Variants in TTC17 observed in about 807,000 individuals in gnomAD.
TTC17 encodes tetratricopeptide repeat protein 17.
A neutral mutation model predicts 143.8 loss-of-function variants in TTC17; 58 were observed. The observed-to-expected ratio is 0.40, with a 90% CI of 0.33 to 0.50. The LOEUF (loss-of-function observed/expected upper bound fraction) is 0.50. TTC17 is among the 20% of genes least tolerant of loss of function. TTC17 has a pLI of 0.49. For missense variants in TTC17, 1,273 were observed against 1,392.5 expected (o/e 0.91, Z 1.37); for synonymous variants, 501 against 497.8 (o/e 1.01, Z -0.09).
intron 16 of TTC17, among the ~76,000 whole-genome samples, chr11:43,428,238 A>T (rs995589532): frequency 1.3e-5 from 2 of 152,132 alleles, no homozygotes; most frequent in Non-Finnish European, 2.9e-5. Flanking sequence ...AGTCTGTTGA[A>T]TTTGTTTCCC....
chr11:43,461,968 A>AG (rs1312173438), intron 21 of TTC17, among the ~76,000 whole-genome samples: 1 of 152,150 alleles, frequency 6.6e-6, no homozygotes, highest in Non-Finnish European at 1.5e-5. Flanking sequence ...AAGGAAGTCA[A>AG]GGGAAGATAA....
chr11:43,452,600 G>T (rs1211550755), intron 21 of TTC17, among the ~76,000 whole-genome samples: 3 of 151,994 alleles, frequency 2.0e-5, no homozygotes, highest in Admixed American at 6.6e-5. Context: ...GGAAAATATT[G>T]TAATGGAACA....
chr11:43,444,825 G>T (rs1444515765), intron 18 of TTC17, among the ~76,000 whole-genome samples: 6 of 151,588 alleles, frequency 4.0e-5, no homozygotes, highest in Non-Finnish European at 8.8e-5. Flanking sequence ...GACATAAACA[G>T]TAAGATACCA....
intron 1 of TTC17, among the ~76,000 whole-genome samples, chr11:43,362,898 A>G (rs11605997): frequency 0.56 from 85,612 of 152,060 alleles, 24,927 homozygotes; most frequent in African/African-American, 0.68. Context: ...GAACATTCCA[A>G]TCACTAAGTT....
In TTC17 at chr11:43,493,955, A is replaced by G. The variant is rs758818578; in HGVS notation, c.*51A>G. On this transcript the variant is annotated 3_prime_UTR_variant, in exon 24 of 24. Transcript: ENST00000039989. ...TTTACTCATGCTCTAAAAAAAAAGAATAAGAAAAGAAACCAATCATTGTCA... is the reference window on the plus strand; with the variant it reads ...TTTACTCATGCTCTAAAAAAAAAGAGTAAGAAAAGAAACCAATCATTGTCA... 2.0e-6 allele frequency: 3 copies of G among 1,515,406 alleles called. No homozygotes were observed. Among genetic ancestry groups the G allele is most frequent in the Non-Finnish European group, 2.6e-6 (3 of 1,132,176 alleles). The allele number at this position is 1,515,406 out of a possible 1,614,324, so 93.9% of individuals were successfully genotyped here.
Position 43,450,052 on chromosome 11 carries a change from A to G in TTC17, c.2787-30A>G, listed in dbSNP as rs759318819. 5.0e-6 allele frequency: 8 copies of G among 1,599,146 alleles called. No homozygotes were observed. In the Middle Eastern group the frequency reaches 5.0e-4, roughly 100 times the overall value. ...CTTCCCACCCACTCAAAAATTTCCC[A>G]TAGCTAATGTGGTAATCTCCATTTT... On this transcript the variant is annotated intron_variant, in intron 19 of 23. Coordinates refer to ENST00000039989, the MANE Select transcript of TTC17 (RefSeq NM_018259.6).
At chr11:43,483,877 C>T (rs1291844998) in intron 21 of TTC17, among the ~76,000 whole-genome samples, 1 of 152,152 alleles carries the variant, frequency 6.6e-6, no homozygotes, top group Non-Finnish European at 1.5e-5. Flanking sequence ...CGCAGTGGCT[C>T]ACGCCTGTAA....
chr11:43,404,242 TGTTCAGATTA>T, intron 11 of TTC17, 98 bp downstream of exon 11: 1 of 1,190,434 alleles, frequency 8.4e-7, no homozygotes, highest in Non-Finnish European at 1.1e-6. Context: ...CCTCTATGAC[TGTTCAGATTA>T]GTTCAGCAAA....
intron 20 of TTC17, among the ~76,000 whole-genome samples, chr11:43,450,597 G>T (rs1006381725): frequency 6.6e-6 from 1 of 152,128 alleles, no homozygotes; most frequent in Non-Finnish European, 1.5e-5. Context: ...TATATACCTA[G>T]CAAAGCATAT....
intron 1 of TTC17, among the ~76,000 whole-genome samples, chr11:43,374,054 G>C (rs1468463212): frequency 1.3e-5 from 2 of 152,144 alleles, no homozygotes; most frequent in African/African-American, 4.8e-5. Context: ...AAATGTGGCA[G>C]AGTATCTAAC....
intron 21 of TTC17, among the ~76,000 whole-genome samples, chr11:43,462,504 G>T (rs926280393): frequency 7.9e-5 from 12 of 152,184 alleles, no homozygotes; most frequent in Non-Finnish European, 1.8e-4. Context: ...GAAGAGGGAA[G>T]TAACAGATTC....
intron 21 of TTC17, among the ~76,000 whole-genome samples, chr11:43,458,642 C>T (rs1415166345): frequency 1.3e-5 from 2 of 152,140 alleles, no homozygotes; most frequent in African/African-American, 4.8e-5. Flanking sequence ...AAATGACACC[C>T]ACCCCAAGAA....
rs1554943122 is a variant in TTC17, at chr11:43,493,956, T to A, written c.*52T>A. 6.6e-7 allele frequency: 1 copy of A among 1,513,800 alleles called. No individual in the cohort carries two copies. Among genetic ancestry groups the A allele is most frequent in the Non-Finnish European group, 8.8e-7 (1 of 1,131,146 alleles). The allele number at this position is 1,513,800 out of a possible 1,614,324, so 93.8% of individuals were successfully genotyped here. On this transcript the variant is annotated 3_prime_UTR_variant, in exon 24 of 24. Coordinates refer to ENST00000039989, the MANE Select transcript of TTC17 (RefSeq NM_018259.6). ...TTACTCATGCTCTAAAAAAAAAGAA[T>A]AAGAAAAGAAACCAATCATTGTCAG...
intron 3 of TTC17, 108 bp downstream of exon 3, chr11:43,389,929 G>A: frequency 1.9e-6 from 2 of 1,031,010 alleles, no homozygotes; most frequent in South Asian, 1.8e-5. Context: ...TCACAGATGA[G>A]TTTTCGAATT....
At chr11:43,403,331 G>A (rs1056329932) in intron 10 of TTC17, among the ~76,000 whole-genome samples, 32 of 152,098 alleles carry the variant, frequency 2.1e-4, no homozygotes, top group Admixed American at 1.0e-3. Context: ...CTACAAATTC[G>A]TCATATTCAT....
chr11:43,417,643 C>G (rs2134633791), intron 16 of TTC17, among the ~76,000 whole-genome samples: 2 of 152,232 alleles, frequency 1.3e-5, no homozygotes, highest in East Asian at 3.9e-4. Context: ...CAAGACCAGC[C>G]TGGCCAACAT....
In TTC17 at chr11:43,423,355, A is replaced by G. The variant is rs539966441; in HGVS notation, c.2251+8579A>G. On this transcript the variant is annotated intron_variant, in intron 16 of 23. Coordinates refer to ENST00000039989, the MANE Select transcript of TTC17 (RefSeq NM_018259.6). ...TGTGCTGGGAATAGCAAGTTCAGTGATAGACATGTTCATTTGGAGATGCCT... is the reference window on the plus strand; with the variant it reads ...TGTGCTGGGAATAGCAAGTTCAGTGGTAGACATGTTCATTTGGAGATGCCT... Among the ~76,000 whole-genome samples the G allele has an allele frequency of 1.6e-4, 25 of 151,900 alleles. No individual in the cohort carries two copies. In the South Asian group the frequency reaches 5.2e-3, roughly 32 times the overall value.
intron 16 of TTC17, 87 bp from the exon 17 acceptor site, chr11:43,443,238 G>A (rs781454983): frequency 2.0e-5 from 31 of 1,518,228 alleles, no homozygotes; most frequent in South Asian, 3.9e-5. Flanking sequence ...GAGCCAAAAC[G>A]TTTCTCCAAA....
intron 22 of TTC17, 35 bp downstream of exon 22, chr11:43,490,393 CT>C: frequency 6.4e-7 from 1 of 1,571,210 alleles, no homozygotes; most frequent in Non-Finnish European, 8.7e-7. Context: ...ACTTCTGCCC[CT>C]TTGTCCTTTC....
Sources: gnomAD v4.1 joint callset for allele counts (sites outside exome capture counted in the v4.1 genomes callset) on GRCh38, gnomAD v4.1.1 for gene constraint, MANE v1.5 for transcripts, NCBI Gene and HGNC (gene_info 2026-07-23, HGNC 2026-07-21) for gene names.